MDFIC: variants seen among roughly 807,000 people sequenced by gnomAD.
The protein encoded by MDFIC is MyoD family inhibitor domain containing.
In MDFIC, 17 loss-of-function variants were observed where a neutral mutation model predicts 23.2. The observed-to-expected ratio is 0.73, with a 90% confidence interval of 0.50 to 1.10. The LOEUF is 1.10. Among genes scored for constraint, MDFIC ranks in the 50% least tolerant of loss-of-function variants. MDFIC has a pLI of 0.00. For synonymous variants in MDFIC, 120 were observed against 115.2 expected, an observed-to-expected ratio of 1.04 and a Z score of -0.27; for missense variants, 356 against 316.6, an observed-to-expected ratio of 1.12 and a Z score of -0.95.
At chr7:115,015,538 C>T in intron 4 of MDFIC, 150 bp from the exon 5 acceptor site, 1 of 1,050,190 alleles carries the variant, frequency 9.5e-7, no homozygotes. Context: ...ACTTAAGCTC[C>T]TTTTTGAGCT....
intron 3 of MDFIC, among the ~76,000 whole-genome samples, chr7:114,952,893 A>AT (rs1353223785): frequency 6.6e-6 from 1 of 152,194 alleles, no homozygotes; most frequent in Non-Finnish European, 1.5e-5. Context: ...TCAGCATTGC[A>AT]AAGGCGCTGT....
intron 2 of MDFIC, among the ~76,000 whole-genome samples, chr7:114,927,303 T>C (rs1315861879): frequency 1.4e-5 from 2 of 145,810 alleles, no homozygotes; most frequent in Non-Finnish European, 3.0e-5. Context: ...TATGTTATAG[T>C]GATAGACTTT....
intron 4 of MDFIC, among the ~76,000 whole-genome samples, chr7:114,991,664 G>A (rs558672925): frequency 1.8e-4 from 28 of 152,244 alleles, no homozygotes; most frequent in African/African-American, 6.5e-4. Context: ...GGTTGTAGAT[G>A]TGTGGTATTA....
At chr7:114,951,362 T>C (rs886907630) in intron 3 of MDFIC, among the ~76,000 whole-genome samples, 3 of 152,048 alleles carry the variant, frequency 2.0e-5, no homozygotes, top group African/African-American at 7.2e-5. Flanking sequence ...AAAATACAGA[T>C]TTTTTGGAAC....
At chr7:114,969,055 T>G (rs182183786) in intron 3 of MDFIC, among the ~76,000 whole-genome samples, 1 of 152,212 alleles carries the variant, frequency 6.6e-6, no homozygotes, top group African/African-American at 2.4e-5. Context: ...AAATTTGACT[T>G]TGACTTTTCT....
chr7:114,961,830 CCT>C (rs2115866920), intron 3 of MDFIC, among the ~76,000 whole-genome samples: 1 of 152,194 alleles, frequency 6.6e-6, no homozygotes, highest in East Asian at 1.9e-4. Flanking sequence ...TAGACCCGCT[CCT>C]ACAACACTGG....
intron 2 of MDFIC, among the ~76,000 whole-genome samples, chr7:114,936,272 G>T (rs1313942623): frequency 6.6e-6 from 1 of 152,172 alleles, no homozygotes; most frequent in African/African-American, 2.4e-5. Context: ...AAGGCTTCAA[G>T]TATTTGGACT....
intron 2 of MDFIC, among the ~76,000 whole-genome samples, chr7:114,941,012 C>A (rs143451619): frequency 6.6e-6 from 1 of 152,170 alleles, no homozygotes; most frequent in Non-Finnish European, 1.5e-5. Flanking sequence ...TATTCTCCCT[C>A]TTAGATGTAT....
At chr7:114,940,939 AATTAAACTCTT>A (rs1480666589) in intron 2 of MDFIC, among the ~76,000 whole-genome samples, 1 of 152,054 alleles carries the variant, frequency 6.6e-6, no homozygotes, top group African/African-American at 2.4e-5. Flanking sequence ...TTATCCAGTT[AATTAAACTCTT>A]ATCAACTTCA....
intron 2 of MDFIC, among the ~76,000 whole-genome samples, chr7:114,927,325 C>CT (rs10686214): frequency 0.96 from 136,173 of 141,840 alleles, 65,421 homozygotes; most frequent in East Asian, 0.98. Flanking sequence ...AAAAACAGTC[C>CT]TTTTTTTTTT....
intron 3 of MDFIC, among the ~76,000 whole-genome samples, chr7:114,971,212 A>G (rs750038131): frequency 6.6e-6 from 1 of 152,186 alleles, no homozygotes; most frequent in African/African-American, 2.4e-5. Context: ...CAGTCTTAGT[A>G]TACACATTTC....
chr7:115,007,206 A>G (rs911442094), intron 4 of MDFIC, among the ~76,000 whole-genome samples: 2 of 152,210 alleles, frequency 1.3e-5, no homozygotes, highest in Admixed American at 6.6e-5. Flanking sequence ...TAAATGGAAC[A>G]TAGGTAGGTG....
chr7:114,931,775 C>G (rs909279967), intron 2 of MDFIC, among the ~76,000 whole-genome samples: 1 of 152,120 alleles, frequency 6.6e-6, no homozygotes, highest in Admixed American at 6.6e-5. Context: ...CTGCTAGTGT[C>G]CATAGTTGAA....
At chr7:115,010,785 T>G (rs973160111) in intron 4 of MDFIC, among the ~76,000 whole-genome samples, 3 of 152,180 alleles carry the variant, frequency 2.0e-5, no homozygotes, top group Admixed American at 6.5e-5. Flanking sequence ...TGTTTTAAAT[T>G]TATAGATTTG....
At chr7:114,996,512 C>T (rs1297948117) in intron 4 of MDFIC, among the ~76,000 whole-genome samples, 1 of 152,072 alleles carries the variant, frequency 6.6e-6, no homozygotes, top group Non-Finnish European at 1.5e-5. Context: ...TTGAGATACC[C>T]ATTATCTGTA....
chr7:114,930,152 G>T (rs1399757767), intron 2 of MDFIC, among the ~76,000 whole-genome samples: 1 of 152,182 alleles, frequency 6.6e-6, no homozygotes, highest in Non-Finnish European at 1.5e-5. Flanking sequence ...GTAACACAAA[G>T]AAATTAACTA....
chr7:114,940,719 A>G (rs1010394611), intron 2 of MDFIC, among the ~76,000 whole-genome samples: 1 of 152,230 alleles, frequency 6.6e-6, no homozygotes, highest in African/African-American at 2.4e-5. Flanking sequence ...GCAGCATTTC[A>G]TAAGTCATTG....
At chr7:114,997,073 C>A (rs934200065) in intron 4 of MDFIC, among the ~76,000 whole-genome samples, 6 of 152,148 alleles carry the variant, frequency 3.9e-5, no homozygotes, top group Non-Finnish European at 7.3e-5. Context: ...GAAATTGTCA[C>A]GTAGAAGTCA....
intron 4 of MDFIC, among the ~76,000 whole-genome samples, chr7:114,983,981 G>A (rs1414095561): frequency 6.6e-6 from 1 of 152,004 alleles, no homozygotes; most frequent in Non-Finnish European, 1.5e-5. Flanking sequence ...TGAGGAAACC[G>A]AGACACAGAG....
Sources: gnomAD v4.1 joint callset for allele counts (sites outside exome capture counted in the v4.1 genomes callset) on GRCh38, gnomAD v4.1.1 for gene constraint, MANE v1.5 for transcripts, NCBI Gene and HGNC (gene_info 2026-07-23, HGNC 2026-07-21) for gene names.